Variants in IRAG1 observed in about 807,000 individuals in gnomAD.
The protein encoded by IRAG1 is inositol 1,4,5-triphosphate receptor associated 1, also known as IP3R-associated cGMP kinase substrate.
IRAG1 carries 62 observed loss-of-function variants against 106.2 expected under a neutral mutation model. That is an observed-to-expected ratio of 0.58 (90% CI 0.48 to 0.72). The LOEUF (loss-of-function observed/expected upper bound fraction) is 0.72. IRAG1 is among the 30% of genes least tolerant of loss of function. The pLI is 0.00. For missense variants in IRAG1, 1,064 were observed against 1,140.7 expected (o/e 0.93, Z 0.97); for synonymous variants, 462 against 443.9 (o/e 1.04, Z -0.51).
chr11:10,579,156 C>T (rs1294497716), intron 20 of IRAG1, among the ~76,000 whole-genome samples: 2 of 152,190 alleles, frequency 1.3e-5, no homozygotes, highest in African/African-American at 4.8e-5. Flanking sequence ...AGAAGCATTT[C>T]TCCAGTTCTC....
intron 10 of IRAG1, among the ~76,000 whole-genome samples, chr11:10,610,993 C>T (rs777105675): frequency 1.3e-5 from 2 of 152,186 alleles, no homozygotes; most frequent in Non-Finnish European, 2.9e-5. Flanking sequence ...GGACTATAGG[C>T]ATAGTTGTAG....
intron 18 of IRAG1, among the ~76,000 whole-genome samples, chr11:10,590,590 C>T (rs530264077): frequency 7.2e-6 from 1 of 139,528 alleles, no homozygotes; most frequent in South Asian, 2.2e-4. Flanking sequence ...ATATGTTTTA[C>T]CAAGTGAGAA....
chr11:10,582,745 C>T (rs930253034), intron 18 of IRAG1, among the ~76,000 whole-genome samples: 9 of 152,130 alleles, frequency 5.9e-5, no homozygotes, highest in Non-Finnish European at 1.3e-4. Context: ...CACCTGAGAT[C>T]AGGAGTTCGA....
At chr11:10,581,308 C>T (rs1851366360) in intron 19 of IRAG1, among the ~76,000 whole-genome samples, 1 of 152,156 alleles carries the variant, frequency 6.6e-6, no homozygotes, top group East Asian at 1.9e-4. Context: ...ACGCATAGGG[C>T]ACCATACATG....
intron 11 of IRAG1, among the ~76,000 whole-genome samples, chr11:10,608,033 A>C (rs967116926): frequency 2.6e-5 from 4 of 152,238 alleles, no homozygotes; most frequent in Non-Finnish European, 4.4e-5. Context: ...ACATATTTTC[A>C]TAAATTATAA....
chr11:10,605,650 T>C (rs372168339), intron 12 of IRAG1, among the ~76,000 whole-genome samples: 1 of 152,182 alleles, frequency 6.6e-6, no homozygotes, highest in African/African-American at 2.4e-5. Context: ...AAAGCCTGTT[T>C]TATTTCCACC....
At chr11:10,594,037 A>G (rs1852981553) in intron 16 of IRAG1, 109 bp downstream of exon 16, 2 of 1,056,966 alleles carry the variant, frequency 1.9e-6, no homozygotes, top group Admixed American at 2.3e-5. Flanking sequence ...AACTCTGTTC[A>G]GAGATTCTCT....
chr11:10,690,514 A>AT (rs1040612662), intron 1 of IRAG1: 29 of 1,181,470 alleles, frequency 2.5e-5, no homozygotes, highest in Non-Finnish European at 2.9e-5. Context: ...TTGAAGGCCC[A>AT]TTTGTGAGGC....
At chr11:10,687,845 G>T (rs997288204) in intron 1 of IRAG1, 188 of 1,270,626 alleles carry the variant, frequency 1.5e-4, no homozygotes, top group South Asian at 6.5e-4. Context: ...AGAATAGACA[G>T]TGGGCTAAGG....
intron 1 of IRAG1, among the ~76,000 whole-genome samples, chr11:10,691,268 C>T (rs1355978736): frequency 6.6e-6 from 1 of 152,230 alleles, no homozygotes. Context: ...ACTTCGTGTG[C>T]TCCCGGCATT....
At chr11:10,611,053 C>T in intron 10 of IRAG1, among the ~76,000 whole-genome samples, 1 of 152,086 alleles carries the variant, frequency 6.6e-6, no homozygotes, top group East Asian at 1.9e-4. Flanking sequence ...AGAAGTCTCA[C>T]CAAAGGAGAC....
intron 10 of IRAG1, among the ~76,000 whole-genome samples, chr11:10,622,643 T>C (rs1325732352): frequency 1.3e-5 from 2 of 152,114 alleles, no homozygotes; most frequent in African/African-American, 2.4e-5. Context: ...TAGCTGGGAC[T>C]ACAGGTGTGT....
chr11:10,599,361 C>CTTAG (rs1564899687), intron 15 of IRAG1, among the ~76,000 whole-genome samples: 1 of 152,156 alleles, frequency 6.6e-6, no homozygotes, highest in Non-Finnish European at 1.5e-5. Flanking sequence ...TCCTATAAAT[C>CTTAG]TTAGGTAAGG....
intron 1 of IRAG1, chr11:10,687,899 T>C (rs920266390): frequency 5.1e-6 from 4 of 790,778 alleles, no homozygotes; most frequent in Non-Finnish European, 6.9e-6. Context: ...TATTTAACTT[T>C]GTAAAATGGA....
chr11:10,682,047 T>C (rs1053626284), intron 1 of IRAG1, among the ~76,000 whole-genome samples: 1 of 152,240 alleles, frequency 6.6e-6, no homozygotes, highest in Non-Finnish European at 1.5e-5. Flanking sequence ...TCTAGCTGTG[T>C]AATCCTGAGT....
intron 1 of IRAG1, among the ~76,000 whole-genome samples, chr11:10,677,901 T>C (rs1455464420): frequency 6.6e-6 from 1 of 152,262 alleles, no homozygotes; most frequent in Non-Finnish European, 1.5e-5. Flanking sequence ...TCGGTCTAGC[T>C]TCTTTCACTT....
chr11:10,676,651 G>A (rs1860701949), intron 1 of IRAG1, among the ~76,000 whole-genome samples: 1 of 152,188 alleles, frequency 6.6e-6, no homozygotes, highest in Non-Finnish European at 1.5e-5. Context: ...CCACCACACA[G>A]GAGAGGTCAC....
At chr11:10,687,924 G>T in intron 1 of IRAG1, 1 of 564,216 alleles carries the variant, frequency 1.8e-6, no homozygotes, top group Non-Finnish European at 2.6e-6. Flanking sequence ...ATCATTACAG[G>T]TCGAGCATTC....
intron 1 of IRAG1, among the ~76,000 whole-genome samples, chr11:10,686,695 G>C (rs1019956993): frequency 2.6e-5 from 4 of 152,158 alleles, no homozygotes; most frequent in African/African-American, 7.2e-5. Context: ...CAGAGAGATG[G>C]AAAGAGATGG....
Sources: gnomAD v4.1 joint callset for allele counts (sites outside exome capture counted in the v4.1 genomes callset) on GRCh38, gnomAD v4.1.1 for gene constraint, MANE v1.5 for transcripts, NCBI Gene and HGNC (gene_info 2026-07-23, HGNC 2026-07-21) for gene names.